Variants in GPR155 observed in about 807,000 individuals in gnomAD.
The protein encoded by GPR155 is G protein-coupled receptor 155.
GPR155 carries 65 observed loss-of-function variants against 93.1 expected under a neutral mutation model. The ratio of observed to expected loss-of-function variants is 0.70; its 90% CI spans 0.57 to 0.86. The LOEUF (loss-of-function observed/expected upper bound fraction) is 0.86. Ranked by LOEUF, GPR155 falls within the 40% of genes least tolerant of loss-of-function variation. GPR155 has a pLI of 0.00. For missense variants in GPR155, 838 were observed against 1,034.8 expected, an observed-to-expected ratio of 0.81 and a Z score of 2.61; for synonymous variants, 319 against 360.1, an observed-to-expected ratio of 0.89 and a Z score of 1.29.
At chr2:174,470,270 G>T in intron 4 of GPR155, 120 bp downstream of exon 4, 1 of 784,344 alleles carries the variant, frequency 1.3e-6, no homozygotes, top group Non-Finnish European at 2.0e-6. Flanking sequence ...GCAACATAGT[G>T]AGACCCCCGT....
At chr2:174,440,138 TCACCAAAGCTG>T (rs1686912587) in intron 14 of GPR155, 103 bp from the exon 15 acceptor site, 1 of 865,998 alleles carries the variant, frequency 1.2e-6, no homozygotes, top group Non-Finnish European at 1.8e-6. Context: ...AAGCTGTCGA[TCACCAAAGCTG>T]TCATCTACAA....
intron 13 of GPR155, 74 bp downstream of exon 13, chr2:174,445,007 G>A (rs542662403): frequency 6.0e-5 from 45 of 747,306 alleles, no homozygotes; most frequent in Non-Finnish European, 7.7e-5. Flanking sequence ...TCCACTCCCC[G>A]CTTCCCCCGA....
At chr2:174,446,582 C>G in intron 12 of GPR155, 29 bp downstream of exon 12, 1 of 1,582,678 alleles carries the variant, frequency 6.3e-7, no homozygotes, top group Non-Finnish European at 8.6e-7. Context: ...AAGAAATGGC[C>G]CCAAAACAAA....
chr2:174,462,112 T>C (rs1253926326), intron 7 of GPR155, among the ~76,000 whole-genome samples: 1 of 152,066 alleles, frequency 6.6e-6, no homozygotes, highest in East Asian at 1.9e-4. Context: ...AATAAGAATT[T>C]TTTTTTGTAG....
chr2:174,482,302 G>C (rs1688349911), intron 1 of GPR155, among the ~76,000 whole-genome samples: 1 of 152,230 alleles, frequency 6.6e-6, no homozygotes, highest in Admixed American at 6.5e-5. Flanking sequence ...TAGAGCTGCA[G>C]TGATGCCCTG....
At chr2:174,460,196 T>G in intron 9 of GPR155, 108 bp from the exon 10 acceptor site, 3 of 714,820 alleles carry the variant, frequency 4.2e-6, no homozygotes, top group Non-Finnish European at 6.6e-6. Context: ...AGTCTTGCTC[T>G]GTCGCCCAGG....
intron 11 of GPR155, among the ~76,000 whole-genome samples, chr2:174,450,487 A>C (rs1346778662): frequency 6.6e-6 from 1 of 152,188 alleles, no homozygotes; most frequent in Non-Finnish European, 1.5e-5. Flanking sequence ...AAAGTTGAAA[A>C]AAACTTTGCC....
rs760582396 is a variant in GPR155, at chr2:174,445,117, C to T, written c.2073G>A (p.Glu691=). The T allele has an allele frequency of 1.2e-6, 2 of 1,602,536 alleles. No homozygotes were observed. Among genetic ancestry groups the T allele is most frequent in the South Asian group, 1.1e-5 (1 of 90,852 alleles). Residue 691 remains glutamate, a synonymous_variant, in exon 13 of 16, where the codon GAG becomes GAA. Coordinates refer to ENST00000392552, the MANE Select transcript of GPR155 (RefSeq NM_152529.7). ...FNQEPGRLYV[E]LQFFCAVFNF... is the part of the protein sequence containing the mutation. ...TAAACACGGCACAGAAAAACTGTAA[C>T]TCAACATAAAGTCTTCCAGGCTCTT...
Position 174,439,995 on chromosome 2 carries a change from T to G in GPR155, c.2215A>C (p.Arg739=). ...LWNNKDTAEN[R]DSPVSEEIKM... ...ATTTCCTCTGAAACAGGAGAATCCC[T>G]GTTTTCTGCTGTGTCTTTATTGTTC... Residue 739 remains arginine, a synonymous_variant, in exon 15 of 16, where the codon AGG becomes CGG. Transcript: ENST00000392552. 1 of 1,611,700 alleles carries G rather than the reference T, an allele frequency of 6.2e-7. No homozygotes were observed. The highest frequency in any genetic ancestry group is 8.5e-7 in the Non-Finnish European group (1 of 1,178,258).
intron 13 of GPR155, among the ~76,000 whole-genome samples, chr2:174,444,271 C>T (rs62175261): frequency 0.26 from 38,627 of 151,418 alleles, 5,753 homozygotes; most frequent in Middle Eastern, 0.47. Flanking sequence ...CAAAATTAGC[C>T]GGGCGTAGTG....
chr2:174,482,371 G>A (rs545970932), intron 1 of GPR155, among the ~76,000 whole-genome samples: 5 of 152,212 alleles, frequency 3.3e-5, no homozygotes, highest in South Asian at 2.1e-4. Flanking sequence ...TAAGGGCATC[G>A]GGCACACATA....
chr2:174,472,573 AG>A (rs1688027428), intron 3 of GPR155, among the ~76,000 whole-genome samples: 1 of 152,228 alleles, frequency 6.6e-6, no homozygotes. Flanking sequence ...CATGAAAAAA[AG>A]TTTGCATTAG....
In GPR155 at chr2:174,481,576, A is replaced by C. The variant is rs1688321120; in HGVS notation, c.381T>G (p.Pro127=). Residue 127 remains proline (P), a synonymous_variant, in exon 2 of 16, where the codon CCT becomes CCG. Transcript: ENST00000392552. ...VCVLTLLVAS[P]DSRFSKAGLF... ...GTCCAGCTTTGCTAAATCGACTATCAGGACTGGCAACCAATAAGGTTAATA... is the reference window on the plus strand; with the variant it reads ...GTCCAGCTTTGCTAAATCGACTATCCGGACTGGCAACCAATAAGGTTAATA... 1.2e-6 allele frequency: 2 copies of C among 1,613,650 alleles called. No individual in the cohort carries two copies. The highest frequency in any genetic ancestry group is 4.5e-5 in the East Asian group (2 of 44,880).
intron 15 of GPR155, among the ~76,000 whole-genome samples, chr2:174,438,293 C>G (rs1288262267): frequency 1.3e-5 from 2 of 152,024 alleles, no homozygotes; most frequent in Non-Finnish European, 2.9e-5. Context: ...GAGAATGTGA[C>G]ACTGTACAGG....
At chr2:174,467,789 G>T (rs2105719406) in intron 5 of GPR155, among the ~76,000 whole-genome samples, 1 of 152,272 alleles carries the variant, frequency 6.6e-6, no homozygotes, top group Non-Finnish European at 1.5e-5. Context: ...TCACTGAAGT[G>T]CAGTGGTGCG....
intron 15 of GPR155, among the ~76,000 whole-genome samples, chr2:174,436,883 A>T (rs1013674407): frequency 1.3e-5 from 2 of 152,210 alleles, no homozygotes; most frequent in Non-Finnish European, 2.9e-5. Flanking sequence ...CTCCATATAC[A>T]TCATGTATAC....
Position 174,465,881 on chromosome 2 carries a change from T to A in GPR155, c.1288A>T (p.Met430Leu). The change falls in exon 7 of 16, where the codon ATG becomes TTG. Residue 430 changes from methionine to leucine, a missense_variant. By Grantham distance (15) the Met-to-Leu change is conservative. Around this residue, in one of 3 missense-constraint regions of GPR155, gnomAD observed 663 missense variants for 790.1 expected, o/e 0.84. Coordinates refer to ENST00000392552, the MANE Select transcript of GPR155 (RefSeq NM_152529.7). ...TTTTCTTTAACAAAATTCCATATCA[T>A]CATTCCAGCACAGACAATAGACTAA... ...IAQSIVCAGMMIWNFVKEKNF... is the reference protein window; with the variant it reads ...IAQSIVCAGMLIWNFVKEKNF... 6.3e-7 allele frequency: 1 copy of A among 1,580,692 alleles called. No individual in the cohort carries two copies. The highest frequency in any genetic ancestry group is 8.7e-7 in the Non-Finnish European group (1 of 1,150,938).
At chr2:174,484,645 T>C (rs1239129236) in intron 1 of GPR155, among the ~76,000 whole-genome samples, 3 of 152,212 alleles carry the variant, frequency 2.0e-5, no homozygotes, top group Non-Finnish European at 2.9e-5. Context: ...AACCTCCCTA[T>C]AGGGATCAGT....
At position 174,435,864 on chromosome 2, in the gene GPR155, C is replaced by T. The variant is rs1328895639; in HGVS notation, c.*252G>A. ...AATCCCCTTGGATACTAAAGGATGA[C>T]TATATTATATTCATTATCAGAACTT... is the stretch of plus-strand genomic sequence containing the variant. On this transcript the variant is annotated 3_prime_UTR_variant, in exon 16 of 16. Transcript: ENST00000392552. 4.7e-6 allele frequency: 2 copies of T among 426,578 alleles called. No homozygotes were observed. The highest frequency in any genetic ancestry group is 7.8e-5 in the Admixed American group (2 of 25,588). 26.4% of individuals were successfully genotyped at this position (426,578 alleles called of 1,614,324 possible).
Sources: allele counts gnomAD v4.1 joint callset (sites outside exome capture counted in the v4.1 genomes callset), GRCh38; gene constraint gnomAD v4.1.1; regional missense constraint gnomAD v4.1.1; transcripts MANE v1.5; gene names NCBI Gene and HGNC (gene_info 2026-07-23, HGNC 2026-07-21).